The following AGBL1 variants were observed in gnomAD, a reference collection of about 807,000 sequenced individuals.
AGBL1 encodes the protein cytosolic carboxypeptidase 4.
Under a neutral mutation model 118.9 loss-of-function variants are expected in AGBL1, and 130 were observed. The observed-to-expected ratio is 1.09, with a 90% CI of 0.95 to 1.26. AGBL1 has a LOEUF of 1.26. AGBL1 is among the 50% of genes most tolerant of loss of function. The pLI, the probability that AGBL1 is intolerant of heterozygous loss-of-function variation, is 0.00. For missense variants in AGBL1, 1,584 were observed against 1,298.1 expected (o/e 1.22, Z -3.38); for synonymous variants, 555 against 478.9 (o/e 1.16, Z -2.08).
At chr15:86,703,090 G>C (rs529189713) in intron 22 of AGBL1, among the ~76,000 whole-genome samples, 1 of 152,262 alleles carries the variant, frequency 6.6e-6, no homozygotes, top group South Asian at 2.1e-4. Flanking sequence ...ATTTTAAGGA[G>C]CAACACTGAA....
intron 17 of AGBL1, among the ~76,000 whole-genome samples, chr15:86,305,595 T>C (rs1439063144): frequency 6.6e-6 from 1 of 152,220 alleles, no homozygotes; most frequent in Non-Finnish European, 1.5e-5. Context: ...GTCATCCTTG[T>C]CTAACAAATG....
intron 6 of AGBL1, among the ~76,000 whole-genome samples, chr15:86,228,946 G>T (rs78530116): frequency 6.6e-6 from 1 of 152,156 alleles, no homozygotes; most frequent in Non-Finnish European, 1.5e-5. Flanking sequence ...GGCTGGAATG[G>T]TCTAATCCAA....
At chr15:86,718,935 C>A (rs528120027) in intron 22 of AGBL1, among the ~76,000 whole-genome samples, 1 of 151,906 alleles carries the variant, frequency 6.6e-6, no homozygotes, top group African/African-American at 2.4e-5. Context: ...GATTGGAATC[C>A]CTGCGTCTGG....
chr15:86,877,129 C>T lies in AGBL1; in HGVS notation c.3159-29958C>T, dbSNP rs116767496. 3.4e-3 allele frequency among the ~76,000 whole-genome samples: 520 copies of T among 152,210 alleles called. 5 individuals carry two copies. The highest frequency in any genetic ancestry group is 0.012 in the African/African-American group (490 of 41,534). On this transcript the variant is annotated intron_variant, in intron 22 of 22. Coordinates refer to ENST00000614907, the MANE Select transcript of AGBL1 (RefSeq NM_001386094.1). ...TCAATTATCAAATTCCAACCTTTCT[C>T]TGTTCAAATGCATAAAAGCCCCATA...
At chr15:86,752,389 A>C (rs2077867434) in intron 22 of AGBL1, among the ~76,000 whole-genome samples, 1 of 152,114 alleles carries the variant, frequency 6.6e-6, no homozygotes, top group African/African-American at 2.4e-5. Flanking sequence ...AATGTGTCTT[A>C]ATCCATCCAG....
chr15:86,798,928 G>T (rs905013510), intron 22 of AGBL1, among the ~76,000 whole-genome samples: 2 of 151,938 alleles, frequency 1.3e-5, no homozygotes, highest in Non-Finnish European at 2.9e-5. Context: ...TGGGGAAGAA[G>T]CTGGTTTGCT....
intron 1 of AGBL1, among the ~76,000 whole-genome samples, chr15:86,086,979 G>A (rs575423261): frequency 1.6e-4 from 25 of 152,264 alleles, no homozygotes; most frequent in Admixed American, 1.4e-3. Flanking sequence ...TATATATCTA[G>A]GGGTGAAGTT....
chr15:86,296,057 T>C (rs1434801916), intron 17 of AGBL1: 1 of 152,226 alleles, frequency 6.6e-6, no homozygotes, highest in Non-Finnish European at 1.5e-5. Context: ...GACACAAACA[T>C]ATACACAGAT....
At chr15:86,128,636 G>T (rs187047123) in intron 1 of AGBL1, among the ~76,000 whole-genome samples, 2 of 152,284 alleles carry the variant, frequency 1.3e-5, no homozygotes, top group South Asian at 2.1e-4. Context: ...GTGTTTGCGC[G>T]TTATTTTATT....
intron 21 of AGBL1, among the ~76,000 whole-genome samples, chr15:86,639,427 TG>T (rs1296849279): frequency 6.6e-6 from 1 of 152,224 alleles, no homozygotes; most frequent in African/African-American, 2.4e-5. Flanking sequence ...TAGATTAATG[TG>T]GTGGCCAAAG....
chr15:86,483,549 G>A (rs888376097), intron 18 of AGBL1, among the ~76,000 whole-genome samples: 1 of 152,066 alleles, frequency 6.6e-6, no homozygotes, highest in Non-Finnish European at 1.5e-5. Context: ...TTGACCAAGA[G>A]GGTGTCCCTT....
intron 1 of AGBL1, among the ~76,000 whole-genome samples, chr15:86,130,686 C>G (rs1035291622): frequency 6.6e-6 from 1 of 152,092 alleles, no homozygotes; most frequent in African/African-American, 2.4e-5. Flanking sequence ...GTCATGCATT[C>G]CAAATTCAGT....
chr15:86,499,469 T>G (rs976510797), intron 18 of AGBL1, among the ~76,000 whole-genome samples: 1 of 151,802 alleles, frequency 6.6e-6, no homozygotes, highest in Non-Finnish European at 1.5e-5. Flanking sequence ...ATTTTAGAAG[T>G]TGAAGAAGAG....
At chr15:86,672,594 T>G (rs1004383294) in intron 21 of AGBL1, among the ~76,000 whole-genome samples, 1 of 152,124 alleles carries the variant, frequency 6.6e-6, no homozygotes, top group African/African-American at 2.4e-5. Context: ...CAGGCAGGTG[T>G]GACCTTCACT....
At chr15:86,452,057 C>T (rs567638393) in intron 18 of AGBL1, among the ~76,000 whole-genome samples, 4 of 152,202 alleles carry the variant, frequency 2.6e-5, no homozygotes, top group South Asian at 2.1e-4. Flanking sequence ...GGTGGAGGAG[C>T]CTTATGCCAG....
intron 5 of AGBL1, among the ~76,000 whole-genome samples, chr15:86,195,243 T>A (rs1020893286): frequency 6.6e-6 from 1 of 152,194 alleles, no homozygotes; most frequent in African/African-American, 2.4e-5. Context: ...TGTAAAATCA[T>A]GGCGATGATA....
rs779553844 is a variant in AGBL1, at chr15:86,546,080, C to T, written c.2764C>T (p.Gln922Ter). The T allele has an allele frequency of 2.5e-6, 4 of 1,613,324 alleles. No individual in the cohort carries two copies. The highest frequency in any genetic ancestry group is 3.4e-6 in the Non-Finnish European group (4 of 1,179,600). Residue 922 changes from glutamine (Q) to a stop codon, truncating the protein, a stop_gained, in exon 20 of 23, where the codon CAA becomes TAA. Transcript: ENST00000614907. LOFTEE classifies it high-confidence loss of function. ...YGCSIKETLW[Q>*]AACTVGTSTI... is the part of the protein sequence containing the mutation. ...CTGTAGCATCAAGGAAACCTTGTGG[C>T]AAGCAGCATGCACTGTGGGCACATC...
intron 22 of AGBL1, among the ~76,000 whole-genome samples, chr15:86,792,498 G>A (rs1309538141): frequency 1.3e-5 from 2 of 152,160 alleles, no homozygotes; most frequent in Non-Finnish European, 1.5e-5. Flanking sequence ...TTTATTGGGA[G>A]TTTCATATGA....
intron 17 of AGBL1, among the ~76,000 whole-genome samples, chr15:86,354,070 G>T (rs1441031836): frequency 6.6e-6 from 1 of 152,206 alleles, no homozygotes; most frequent in Non-Finnish European, 1.5e-5. Flanking sequence ...CATAGATGCA[G>T]CTGCTAAATG....
Sources: gnomAD v4.1 joint callset for allele counts (sites outside exome capture counted in the v4.1 genomes callset) on GRCh38, gnomAD v4.1.1 for gene constraint, MANE v1.5 for transcripts, NCBI Gene and HGNC (gene_info 2026-07-23, HGNC 2026-07-21) for gene names.